Variants in NCAPD2 observed in about 807,000 individuals in gnomAD.
The protein encoded by NCAPD2 is condensin complex subunit 1.
In NCAPD2, 100 loss-of-function variants were observed where a neutral mutation model predicts 164.5. The ratio of observed to expected loss-of-function variants is 0.61; its 90% confidence interval spans 0.52 to 0.72. The LOEUF is 0.72. Among genes scored for constraint, NCAPD2 ranks in the 30% least tolerant of loss-of-function variants. The probability of loss-of-function intolerance (pLI) is 0.00; values close to 1 mark genes in which losing one functional copy is unlikely to be tolerated. For missense variants in NCAPD2, 1,560 were observed against 1,749.2 expected (o/e 0.89, Z 1.93); for synonymous variants, 585 against 642.6 (o/e 0.91, Z 1.36).
At chr12:6,501,147 G>C (rs928055407) in intron 2 of NCAPD2, among the ~76,000 whole-genome samples, 1 of 146,164 alleles carries the variant, frequency 6.8e-6, no homozygotes, top group Non-Finnish European at 1.5e-5. Context: ...TGCAACCTCT[G>C]CCTCCCAGGT....
At position 6,530,967 on chromosome 12, in the gene NCAPD2, T is replaced by G. The variant is rs768266220; in HGVS notation, c.4011T>G (p.Phe1337Leu). 1 of 1,614,080 alleles carries G rather than the reference T, an allele frequency of 6.2e-7. No individual in the cohort carries two copies. The highest frequency in any genetic ancestry group is 1.3e-5 in the African/African-American group (1 of 74,938). ...CTTCTACAGCCTCAGACAATGACTT[T>G]GTCACACCAGAGCCCCGCCGTACTA... ...PLASTASDND[F>L]VTPEPRRTTR... The change falls in exon 31 of 32, where the codon TTT becomes TTG. Residue 1337 changes from phenylalanine (F) to leucine (L), a missense_variant. Phe to Leu is a conservative substitution (Grantham distance 22). Transcript: ENST00000315579.
Position 6,502,837 on chromosome 12 carries a change from T to TTTGTTG in NCAPD2, c.128-6864_128-6859dup, listed in dbSNP as rs3076196. Among the ~76,000 whole-genome samples, 339 of 149,712 alleles carry TTTGTTG rather than the reference T, an allele frequency of 2.3e-3. 2 individuals carry two copies. Among genetic ancestry groups the TTTGTTG allele is most frequent in the African/African-American group, 7.1e-3 (290 of 40,636 alleles). On this transcript the variant is annotated intron_variant, in intron 2 of 31. Transcript: ENST00000315579. ...AAAAAAAATTGTTTACAAAGGTGTT[T>TTTGTTG]TTGTTGTTGTTGTTGTTGTTGCTTT...
At chr12:6,513,856 C>T (rs1946174876) in intron 6 of NCAPD2, among the ~76,000 whole-genome samples, 1 of 151,762 alleles carries the variant, frequency 6.6e-6, no homozygotes, top group African/African-American at 2.4e-5. Context: ...GCTGGGATTA[C>T]AGGCGCCCAC....
rs1436927362 is a variant in NCAPD2, at chr12:6,521,791, T to G, written c.1715-7T>G. On this transcript the variant is annotated splice_polypyrimidine_tract_variant and splice_region_variant and intron_variant, in intron 14 of 31. Coordinates refer to ENST00000315579, the MANE Select transcript of NCAPD2 (RefSeq NM_014865.4). ...CGAAACCATCCTGTACTTCTCTAAC[T>G]CCTTAGGCCCAGCAGCTTCCACACA... 6.2e-7 allele frequency: 1 copy of G among 1,613,646 alleles called. No homozygotes were observed. Among genetic ancestry groups the G allele is most frequent in the South Asian group, 1.1e-5 (1 of 91,066 alleles).
chr12:6,497,990 G>A (rs914107708), intron 2 of NCAPD2, among the ~76,000 whole-genome samples: 2 of 150,874 alleles, frequency 1.3e-5, no homozygotes, highest in African/African-American at 4.9e-5. Flanking sequence ...CTGGAGTGCA[G>A]TGGCTCCATC....
chr12:6,515,476 T>A (rs2137050400), intron 9 of NCAPD2, among the ~76,000 whole-genome samples: 1 of 152,302 alleles, frequency 6.6e-6, no homozygotes, highest in Non-Finnish European at 1.5e-5. Context: ...CTACCATGCT[T>A]AGCCTTCAGC....
chr12:6,504,220 T>TATATACATATATATATATAC (rs1565539620), intron 2 of NCAPD2, among the ~76,000 whole-genome samples: 1 of 25,356 alleles, frequency 3.9e-5, no homozygotes, highest in African/African-American at 3.2e-4. Context: ...TATATATAGA[T>TATATACATATATATATATAC]ATAGATATAT....
chr12:6,526,649 C>T, intron 21 of NCAPD2, 34 bp downstream of exon 21: 2 of 1,601,066 alleles, frequency 1.2e-6, no homozygotes, highest in Non-Finnish European at 1.7e-6. Flanking sequence ...CTGCGGCAGC[C>T]AGCTTCTGTT....
rs542092095 is a variant in NCAPD2, at chr12:6,511,394, T to A, written c.587+142T>A. On this transcript the variant is annotated intron_variant, in intron 6 of 31. Transcript: ENST00000315579. ...GTCGCCCAGGCTGGAGCGCAGTGGT[T>A]CAATCTCGGCTCACTGCAGCCTCTA... is the stretch of plus-strand genomic sequence containing the variant. 4 of 1,002,118 alleles carry A rather than the reference T, an allele frequency of 4.0e-6. No homozygotes were observed. In the South Asian group the frequency reaches 5.2e-5, roughly 13 times the overall value. The allele number at this position is 1,002,118 out of a possible 1,614,324, so 62.1% of individuals were successfully genotyped here.
intron 28 of NCAPD2, 58 bp downstream of exon 28, chr12:6,529,651 G>T: frequency 1.2e-6 from 2 of 1,605,090 alleles, no homozygotes; most frequent in Admixed American, 3.3e-5. Context: ...GGGGAGAAAG[G>T]CCCATCCCTC....
At chr12:6,516,268 C>T (rs1437104275) in intron 9 of NCAPD2, among the ~76,000 whole-genome samples, 1 of 150,754 alleles carries the variant, frequency 6.6e-6, no homozygotes, top group Non-Finnish European at 1.5e-5. Flanking sequence ...CTTTGGGAGG[C>T]CGAGGAGGGT....
chr12:6,526,271 G>A lies in NCAPD2; in HGVS notation c.2482-16G>A, dbSNP rs1413545709. 3 of 1,614,188 alleles carry A rather than the reference G, an allele frequency of 1.9e-6. No homozygotes were observed. The highest frequency in any genetic ancestry group is 1.3e-5 in the African/African-American group (1 of 75,044). ...TCCACCCTGTACACACACCCACGTT[G>A]TCTTGCTCTCCACAGCCTTCTCTGG... On this transcript the variant is annotated splice_polypyrimidine_tract_variant and intron_variant, in intron 19 of 31. Coordinates refer to ENST00000315579, the MANE Select transcript of NCAPD2 (RefSeq NM_014865.4).
chr12:6,514,421 T>A, intron 7 of NCAPD2, 29 bp downstream of exon 7: 1 of 1,614,166 alleles, frequency 6.2e-7, no homozygotes, highest in Non-Finnish European at 8.5e-7. Flanking sequence ...TGCCCCGCCT[T>A]TTTTGTATTG....
In NCAPD2 at chr12:6,529,933, G is replaced by C; in HGVS notation, c.3812G>C (p.Arg1271Pro). 1.2e-6 allele frequency: 2 copies of C among 1,613,954 alleles called. No homozygotes were observed. The highest frequency in any genetic ancestry group is 1.7e-6 in the Non-Finnish European group (2 of 1,179,896). The change falls in exon 29 of 32, where the codon CGA (arginine) becomes CCA (proline). Residue 1271 changes from arginine to proline, a missense_variant. Coordinates refer to ENST00000315579, the MANE Select transcript of NCAPD2 (RefSeq NM_014865.4). ...SAFLSVVGKL[R>P]RGAKPEGKAI... ...TTTTTGTCAGTTGTAGGCAAGCTGC[G>C]ACGTGGGGCCAAGCCTGAGGGCAAG...
intron 22 of NCAPD2, among the ~76,000 whole-genome samples, chr12:6,527,523 A>ACAT (rs1946328325): frequency 1.3e-5 from 2 of 152,230 alleles, no homozygotes; most frequent in South Asian, 4.1e-4. Flanking sequence ...CCATCTGTTT[A>ACAT]CCATATATAG....
chr12:6,528,539 C>T lies in NCAPD2; in HGVS notation c.3300-140C>T. 8.4e-7 allele frequency: 1 copy of T among 1,193,388 alleles called. No individual in the cohort carries two copies. Among genetic ancestry groups the T allele is most frequent in the Non-Finnish European group, 1.2e-6 (1 of 851,470 alleles). 73.9% of individuals were successfully genotyped at this position (1,193,388 alleles called of 1,614,324 possible). A position where few individuals can be genotyped will look rare whatever the true frequency, so the allele number is the denominator to read the frequency against. On this transcript the variant is annotated intron_variant, in intron 25 of 31. Transcript: ENST00000315579. The surrounding 1 kb of genome is among the most constrained non-coding windows in gnomAD (Gnocchi z 5.1). ...GCTTCACCTCTTTCCCCCACTCCAG[C>T]TTTCAACTCTAGACAGCTTTCTGAC...
Position 6,527,818 on chromosome 12 carries a change from G to C in NCAPD2, c.2949G>C (p.Leu983=). ...SETTMEEELG[L]VGATADDTEA... ...CCACCATGGAGGAGGAGCTGGGGCT[G>C]GTTGGGGCAACAGCAGATGACACAG... is the stretch of plus-strand genomic sequence containing the variant. The change falls in exon 23 of 32, where the codon CTG becomes CTC. Residue 983 remains leucine (L), a synonymous_variant. Transcript: ENST00000315579. 1.2e-6 allele frequency: 2 copies of C among 1,613,834 alleles called. No homozygotes were observed. Among genetic ancestry groups the C allele is most frequent in the Non-Finnish European group, 1.7e-6 (2 of 1,179,742 alleles).
intron 9 of NCAPD2, among the ~76,000 whole-genome samples, chr12:6,515,250 T>G (rs1186789155): frequency 6.6e-6 from 1 of 152,066 alleles, no homozygotes; most frequent in Non-Finnish European, 1.5e-5. Flanking sequence ...TGGAGCATGA[T>G]CATAGCTCAT....
chr12:6,513,278 C>T (rs911251595), intron 6 of NCAPD2, among the ~76,000 whole-genome samples: 16 of 152,126 alleles, frequency 1.1e-4, no homozygotes, highest in Admixed American at 5.9e-4. Flanking sequence ...GCATGGCTCA[C>T]GCCTATAATC....
Sources: allele counts gnomAD v4.1 joint callset (sites outside exome capture counted in the v4.1 genomes callset), GRCh38; gene constraint gnomAD v4.1.1; non-coding constraint Gnocchi (gnomAD v3.1); transcripts MANE v1.5; gene names NCBI Gene and HGNC (gene_info 2026-07-23, HGNC 2026-07-21).